The following VPS13B variants were observed in gnomAD, a reference collection of about 807,000 sequenced individuals.
VPS13B encodes the protein intermembrane lipid transfer protein VPS13B.
VPS13B carries 285 observed loss-of-function variants against 426.4 expected under a neutral mutation model. That is an observed-to-expected ratio of 0.67 (90% CI 0.61 to 0.74). The LOEUF is 0.74. Among genes scored for constraint, VPS13B ranks in the 30% least tolerant of loss-of-function variants. VPS13B has a pLI of 0.00. For synonymous variants in VPS13B, 1,676 were observed against 1,676.4 expected, an observed-to-expected ratio of 1.00 and a Z score of 0.01; for missense variants, 4,537 against 4,782.6, an observed-to-expected ratio of 0.95 and a Z score of 1.51.
chr8:99,790,117 T>C (rs762964328), intron 43 of VPS13B, among the ~76,000 whole-genome samples: 29 of 152,168 alleles, frequency 1.9e-4, no homozygotes, highest in Non-Finnish European at 3.7e-4. Flanking sequence ...TTACTTCTTA[T>C]ACAAACTATT....
At chr8:99,325,726 G>GA (rs1331339310) in intron 19 of VPS13B, among the ~76,000 whole-genome samples, 1 of 139,828 alleles carries the variant, frequency 7.2e-6, no homozygotes, top group African/African-American at 2.7e-5. Context: ...GTTCCTCTTA[G>GA]AAAAAAGATC....
intron 30 of VPS13B, among the ~76,000 whole-genome samples, chr8:99,523,016 C>G (rs1185455422): frequency 1.3e-5 from 2 of 152,142 alleles, no homozygotes; most frequent in Admixed American, 6.5e-5. Flanking sequence ...ACCATGAAAT[C>G]TCAGTGAACT....
chr8:99,438,439 A>G (rs187905306), intron 22 of VPS13B, among the ~76,000 whole-genome samples: 1 of 152,332 alleles, frequency 6.6e-6, no homozygotes, highest in East Asian at 1.9e-4. Context: ...AAGATTTTAT[A>G]TTTAATCCTT....
At chr8:99,622,308 G>A (rs778822383) in intron 33 of VPS13B, among the ~76,000 whole-genome samples, 3 of 152,148 alleles carry the variant, frequency 2.0e-5, no homozygotes, top group Non-Finnish European at 2.9e-5. Flanking sequence ...CCCATAACAG[G>A]GAAGTGGAAG....
chr8:99,468,586 A>G (rs918909630), intron 24 of VPS13B, among the ~76,000 whole-genome samples: 7 of 152,126 alleles, frequency 4.6e-5, no homozygotes, highest in Non-Finnish European at 8.8e-5. Context: ...TTGATGGCAC[A>G]TGCCTATAGT....
intron 3 of VPS13B, among the ~76,000 whole-genome samples, chr8:99,057,545 T>C (rs1843945637): frequency 6.6e-6 from 1 of 152,200 alleles, no homozygotes; most frequent in Admixed American, 6.5e-5. Context: ...CTCACTCTCC[T>C]TGGATAATTT....
intron 19 of VPS13B, among the ~76,000 whole-genome samples, chr8:99,287,681 GA>G (rs1422432897): frequency 1.3e-5 from 2 of 151,844 alleles, no homozygotes. Flanking sequence ...GGCCAAAGGG[GA>G]CAAAAGTAAG....
intron 25 of VPS13B, among the ~76,000 whole-genome samples, chr8:99,500,910 AAAAC>A (rs1336317017): frequency 2.6e-5 from 4 of 152,176 alleles, no homozygotes; most frequent in Non-Finnish European, 5.9e-5. Flanking sequence ...GAAAAGACCA[AAAAC>A]AAACAAACAA....
At chr8:99,816,454 T>TAA (rs964417189) in intron 44 of VPS13B, among the ~76,000 whole-genome samples, 5 of 152,068 alleles carry the variant, frequency 3.3e-5, no homozygotes, top group African/African-American at 1.2e-4. Context: ...TACCTGGGTG[T>TAA]AAAGTTGAAT....
chr8:99,533,294 G>A (rs1823028093), intron 30 of VPS13B, among the ~76,000 whole-genome samples: 1 of 152,060 alleles, frequency 6.6e-6, no homozygotes, highest in African/African-American at 2.4e-5. Flanking sequence ...TCTTATTGAA[G>A]GTTTTAAATA....
chr8:99,076,565 G>T (rs932842464), intron 3 of VPS13B, among the ~76,000 whole-genome samples: 5 of 145,008 alleles, frequency 3.4e-5, no homozygotes. Flanking sequence ...ATTTAGAATT[G>T]TTATATCTTC....
At chr8:99,868,184 G>T in intron 58 of VPS13B, 105 bp from the exon 59 acceptor site, 2 of 1,405,800 alleles carry the variant, frequency 1.4e-6, no homozygotes, top group East Asian at 2.3e-5. Flanking sequence ...TATAATGAGG[G>T]TGGGGACTCA....
At chr8:99,458,121 T>C (rs367794966) in intron 23 of VPS13B, among the ~76,000 whole-genome samples, 1 of 133,958 alleles carries the variant, frequency 7.5e-6, no homozygotes, top group Non-Finnish European at 1.6e-5. Flanking sequence ...CCTGTGTCCA[T>C]GTGTTCTCAT....
intron 31 of VPS13B, among the ~76,000 whole-genome samples, chr8:99,565,903 T>A (rs1036838864): frequency 2.0e-5 from 3 of 152,204 alleles, no homozygotes; most frequent in African/African-American, 7.2e-5. Flanking sequence ...TTCTCATACT[T>A]TGTAGGTTAA....
chr8:99,710,626 G>C (rs1563876110), intron 36 of VPS13B, among the ~76,000 whole-genome samples: 1 of 91,782 alleles, frequency 1.1e-5, no homozygotes, highest in Non-Finnish European at 2.1e-5. Context: ...TGTGGTAAAA[G>C]TGTATAATTT....
At position 99,516,108 on chromosome 8, in the gene VPS13B, G is replaced by A. The variant is rs572224642; in HGVS notation, c.4633+4596G>A. ...TAAGAATGCAAATACAAAAATGCAT[G>A]CCAAAGTTTCAGATTTTGACACATT... is the stretch of plus-strand genomic sequence containing the variant. On this transcript the variant is annotated intron_variant, in intron 29 of 61. Coordinates refer to ENST00000357162, the MANE Select transcript of VPS13B (RefSeq NM_152564.5). 2.6e-5 allele frequency among the ~76,000 whole-genome samples: 4 copies of A among 152,216 alleles called. No homozygotes were observed. The East Asian group carries it at 5.8e-4, about 22-fold the overall frequency.
chr8:99,634,788 TC>T (rs770042352), intron 33 of VPS13B, among the ~76,000 whole-genome samples: 1 of 151,948 alleles, frequency 6.6e-6, no homozygotes, highest in Non-Finnish European at 1.5e-5. Context: ...TGAAGTCAAT[TC>T]TTTTTGATGT....
At chr8:99,110,415 A>G (rs577565876) in intron 5 of VPS13B, among the ~76,000 whole-genome samples, 1 of 152,104 alleles carries the variant, frequency 6.6e-6, no homozygotes, top group Admixed American at 6.5e-5. Flanking sequence ...TTCCTTTGAA[A>G]ATATACTCTA....
intron 21 of VPS13B, among the ~76,000 whole-genome samples, chr8:99,403,302 A>G (rs1049952378): frequency 6.6e-6 from 1 of 152,096 alleles, no homozygotes; most frequent in Admixed American, 6.6e-5. Flanking sequence ...TAATTGAAGC[A>G]CTTTAAGAGG....
Sources: allele counts gnomAD v4.1 joint callset (sites outside exome capture counted in the v4.1 genomes callset), GRCh38; gene constraint gnomAD v4.1.1; transcripts MANE v1.5; gene names NCBI Gene and HGNC (gene_info 2026-07-23, HGNC 2026-07-21).